SLC45A4: variants seen among roughly 807,000 people sequenced by gnomAD.
SLC45A4 encodes the protein polyamine-transporter SLC45A4.
Under a neutral mutation model 63.7 loss-of-function variants are expected in SLC45A4, and 32 were observed. The observed-to-expected ratio is 0.50, with a 90% CI of 0.38 to 0.67. The LOEUF is 0.67. Ranked by LOEUF, SLC45A4 falls within the 30% of genes least tolerant of loss-of-function variation. SLC45A4 has a pLI of 0.00. For missense variants in SLC45A4, 1,027 were observed against 1,157.7 expected (o/e 0.89, Z 1.64); for synonymous variants, 535 against 510.0 (o/e 1.05, Z -0.66).
intron 1 of SLC45A4, among the ~76,000 whole-genome samples, chr8:141,290,951 C>T (rs947512870): frequency 8.5e-5 from 13 of 152,326 alleles, no homozygotes; most frequent in African/African-American, 2.6e-4. Flanking sequence ...TGGGCTCAAG[C>T]GATTCTCCTG....
intron 1 of SLC45A4, among the ~76,000 whole-genome samples, chr8:141,282,005 G>A (rs1829970363): frequency 6.6e-6 from 1 of 152,194 alleles, no homozygotes. Context: ...CGCATGGTTG[G>A]CAAGGACACG....
At chr8:141,284,587 T>C (rs1244025494) in intron 1 of SLC45A4, among the ~76,000 whole-genome samples, 1 of 152,196 alleles carries the variant, frequency 6.6e-6, no homozygotes, top group Non-Finnish European at 1.5e-5. Context: ...TGAAATGGAA[T>C]ACAGGTCAAA....
intron 1 of SLC45A4, among the ~76,000 whole-genome samples, chr8:141,266,257 C>A (rs932150471): frequency 2.0e-5 from 3 of 152,188 alleles, no homozygotes; most frequent in African/African-American, 2.4e-5. Flanking sequence ...CGCATGTACA[C>A]GCACGCATGG....
At chr8:141,240,489 G>T (rs1040197549) in intron 2 of SLC45A4, among the ~76,000 whole-genome samples, 2 of 152,224 alleles carry the variant, frequency 1.3e-5, no homozygotes, top group African/African-American at 2.4e-5. Context: ...GGAGCTGAGC[G>T]TGACTCAGAG....
intron 1 of SLC45A4, among the ~76,000 whole-genome samples, chr8:141,279,411 C>T (rs1216193391): frequency 6.6e-6 from 1 of 152,252 alleles, no homozygotes; most frequent in African/African-American, 2.4e-5. Flanking sequence ...TTCCTTTACA[C>T]CTGCAATCCC....
chr8:141,259,031 T>G (rs1828936303), intron 1 of SLC45A4, among the ~76,000 whole-genome samples: 1 of 151,732 alleles, frequency 6.6e-6, no homozygotes. Flanking sequence ...AAGGACAGAG[T>G]GGTGCAGGAG....
chr8:141,270,949 C>G (rs2154614926), intron 1 of SLC45A4, among the ~76,000 whole-genome samples: 1 of 152,292 alleles, frequency 6.6e-6, no homozygotes, highest in South Asian at 2.1e-4. Flanking sequence ...AGGGCATGGC[C>G]TGGCGAGACA....
chr8:141,299,419 C>T (rs951818176), intron 1 of SLC45A4, among the ~76,000 whole-genome samples: 7 of 152,254 alleles, frequency 4.6e-5, no homozygotes, highest in Non-Finnish European at 1.0e-4. Flanking sequence ...ACCTGTCACA[C>T]TAGAGACACC....
chr8:141,254,667 G>A lies in SLC45A4; in HGVS notation c.-400-38C>T, dbSNP rs560551926. ...AAAACAACCCGGCCAGAGAGTCAGG[G>A]GACGGCCACCAGATGGCCCTGTGGA... On this transcript the variant is annotated intron_variant, in intron 1 of 8. Transcript: ENST00000517878. This position sits in a 1 kb window ranked among gnomAD's most constrained non-coding sequence, Gnocchi z 4.5. 7 of 696,702 alleles carry A rather than the reference G, an allele frequency of 1.0e-5. No homozygotes were observed. The highest frequency in any genetic ancestry group is 8.7e-5 in the African/African-American group (5 of 57,222). 43.2% of individuals were successfully genotyped at this position (696,702 alleles called of 1,614,324 possible). A position where few individuals can be genotyped will look rare whatever the true frequency, so the allele number is the denominator to read the frequency against.
chr8:141,236,763 CAT>C (rs1324673440), intron 2 of SLC45A4, among the ~76,000 whole-genome samples: 2 of 152,194 alleles, frequency 1.3e-5, no homozygotes, highest in Non-Finnish European at 2.9e-5. Flanking sequence ...TATTTTGATA[CAT>C]GTTTTAGGGA....
chr8:141,282,083 G>A lies in SLC45A4; in HGVS notation c.-401+26013C>T, dbSNP rs745470666. On this transcript the variant is annotated intron_variant, in intron 1 of 8. Coordinates refer to ENST00000517878, the MANE Select transcript of SLC45A4 (RefSeq NM_001286646.2). ...CTGGGGAAGCCCAGAGCAAATCGAA[G>A]GATGCATGGGAACCTCCTTTGGAAG... Among the ~76,000 whole-genome samples, 190 of 152,166 alleles carry A rather than the reference G, an allele frequency of 1.2e-3. 1 individual carries two copies. The highest frequency in any genetic ancestry group is 1.3e-3 in the Non-Finnish European group (90 of 68,030).
chr8:141,228,997 G>A (rs553837388), intron 2 of SLC45A4, among the ~76,000 whole-genome samples: 7 of 152,004 alleles, frequency 4.6e-5, no homozygotes, highest in South Asian at 2.1e-4. Context: ...CTGCCTCCTC[G>A]GCTGCACATC....
chr8:141,245,455 G>A (rs931910303), intron 2 of SLC45A4, among the ~76,000 whole-genome samples: 2 of 152,160 alleles, frequency 1.3e-5, no homozygotes, highest in East Asian at 1.9e-4. Flanking sequence ...TGGGCCTTCC[G>A]CTCCATCACG....
chr8:141,267,243 C>T (rs932515575), intron 1 of SLC45A4, among the ~76,000 whole-genome samples: 6 of 152,260 alleles, frequency 3.9e-5, no homozygotes, highest in Admixed American at 1.3e-4. Context: ...GGAATGATAC[C>T]GGGGCAGCAG....
At chr8:141,243,863 C>T (rs530760019) in intron 2 of SLC45A4, among the ~76,000 whole-genome samples, 1 of 152,242 alleles carries the variant, frequency 6.6e-6, no homozygotes, top group East Asian at 1.9e-4. Flanking sequence ...ATTTTCTTAG[C>T]TATGTTTTCT....
intron 2 of SLC45A4, chr8:141,226,154 C>G (rs756908079): frequency 6.6e-6 from 1 of 152,326 alleles, no homozygotes; most frequent in African/African-American, 2.4e-5. Context: ...TGTCAGGGCC[C>G]GCGTTCCAAT....
intron 1 of SLC45A4, among the ~76,000 whole-genome samples, chr8:141,255,738 CAAACA>C (rs1011490666): frequency 2.9e-4 from 22 of 75,740 alleles, no homozygotes; most frequent in Middle Eastern, 0.012. Context: ...CAAAAACAAA[CAAACA>C]AAAAAAACAA....
rs552196172 is a variant in SLC45A4, at chr8:141,240,539, G to A, written c.241+13450C>T. On this transcript the variant is annotated intron_variant, in intron 2 of 8. Coordinates refer to ENST00000517878, the MANE Select transcript of SLC45A4 (RefSeq NM_001286646.2). ...CTTTGGAAAGGTCGGCTCCCAAAGA[G>A]TTCCAGAGCAGCCTGGTTCCACAAC... Among the ~76,000 whole-genome samples the A allele has an allele frequency of 2.0e-3, 300 of 152,332 alleles. 1 individual carries two copies. Among genetic ancestry groups the A allele is most frequent in the Non-Finnish European group, 2.6e-3 (174 of 68,028 alleles).
intron 1 of SLC45A4, among the ~76,000 whole-genome samples, chr8:141,294,950 G>A (rs1485108733): frequency 1.3e-5 from 2 of 152,240 alleles, no homozygotes; most frequent in Non-Finnish European, 2.9e-5. Flanking sequence ...TCAGGAACTG[G>A]CAGGTAATGG....
Sources: gnomAD v4.1 joint callset for allele counts (sites outside exome capture counted in the v4.1 genomes callset) on GRCh38, gnomAD v4.1.1 for gene constraint, Gnocchi (gnomAD v3.1) non-coding constraint, MANE v1.5 for transcripts, NCBI Gene and HGNC (gene_info 2026-07-23, HGNC 2026-07-21) for gene names.